HS3ST3B1: variants seen among roughly 807,000 people sequenced by gnomAD.
HS3ST3B1 encodes the protein heparan sulfate-glucosamine 3-sulfotransferase 3B1.
In HS3ST3B1, 13 loss-of-function variants were observed where a neutral mutation model predicts 21.3. The ratio of observed to expected loss-of-function variants is 0.61; its 90% CI spans 0.40 to 0.97. The LOEUF is 0.97. Ranked by LOEUF, HS3ST3B1 falls within the 50% of genes least tolerant of loss-of-function variation. The pLI, the probability that HS3ST3B1 is intolerant of heterozygous loss-of-function variation, is 0.00. For missense variants in HS3ST3B1, 459 were observed against 554.8 expected (o/e 0.83, Z 1.73); for synonymous variants, 234 against 254.8 (o/e 0.92, Z 0.78).
chr17:14,324,871 T>C (rs67612657), intron 1 of HS3ST3B1, among the ~76,000 whole-genome samples: 31,412 of 152,148 alleles, frequency 0.21, 4,603 homozygotes, highest in East Asian at 0.4. Context: ...ATCTTGGCCT[T>C]CCAAGGTGCC....
At chr17:14,327,940 C>T (rs1597596479) in intron 1 of HS3ST3B1, 1 of 152,164 alleles carries the variant, frequency 6.6e-6, no homozygotes, top group East Asian at 1.9e-4. Flanking sequence ...AAAATAGTCA[C>T]AGGGTCAGTT....
intron 1 of HS3ST3B1, among the ~76,000 whole-genome samples, chr17:14,306,385 G>T (rs775454618): frequency 2.0e-5 from 3 of 152,188 alleles, no homozygotes; most frequent in Non-Finnish European, 4.4e-5. Flanking sequence ...CCTTTTTAAG[G>T]CTGGGAGGAG....
At chr17:14,311,475 G>A (rs1909303662) in intron 1 of HS3ST3B1, among the ~76,000 whole-genome samples, 1 of 152,310 alleles carries the variant, frequency 6.6e-6, no homozygotes, top group South Asian at 2.1e-4. Context: ...TGCACAGTCT[G>A]CCACTATCAC....
At chr17:14,306,792 C>T (rs574964794) in intron 1 of HS3ST3B1, among the ~76,000 whole-genome samples, 2 of 151,036 alleles carry the variant, frequency 1.3e-5, no homozygotes, top group African/African-American at 2.4e-5. Flanking sequence ...GAGTTTAAAC[C>T]AAGTATGTAA....
Position 14,347,493 on chromosome 17 carries a change from A to G in HS3ST3B1, c.*1847A>G, listed in dbSNP as rs1307372346. 1 of 152,234 alleles carries G rather than the reference A, an allele frequency of 6.6e-6. No homozygotes were observed. Among genetic ancestry groups the G allele is most frequent in the African/African-American group, 2.4e-5 (1 of 41,470 alleles). 9.4% of individuals were successfully genotyped at this position (152,234 alleles called of 1,614,324 possible). On this transcript the variant is annotated 3_prime_UTR_variant, in exon 2 of 2. Coordinates refer to ENST00000360954, the MANE Select transcript of HS3ST3B1 (RefSeq NM_006041.3). ...CATCAAGGAATATGTGGGAAGATAT[A>G]CATATTGTCAAAATGGTTGGGATGG...
At chr17:14,312,371 T>C (rs1229007139) in intron 1 of HS3ST3B1, among the ~76,000 whole-genome samples, 1 of 152,220 alleles carries the variant, frequency 6.6e-6, no homozygotes, top group African/African-American at 2.4e-5. Flanking sequence ...TGAAATTCAA[T>C]GCCGTGTTCC....
rs1910532583 is a variant in HS3ST3B1 at position 14,345,440 on chromosome 17, G to C, written c.967G>C (p.Asp323His). The change falls in exon 2 of 2, where the codon GAC becomes CAC. Residue 323 changes from aspartate (D) to histidine (H), a missense_variant. Transcript: ENST00000360954. ...CCTGGGCCTCAAGAGGATCATCACG[G>C]ACAAGCACTTCTACTTCAACAAGAC... ...DFLGLKRIIT[D>H]KHFYFNKTKG... 7.2e-7 allele frequency: 1 copy of C among 1,380,492 alleles called. No homozygotes were observed. Among genetic ancestry groups the C allele is most frequent in the Non-Finnish European group, 1.0e-6 (1 of 986,278 alleles). The allele number at this position is 1,380,492 out of a possible 1,614,324, so 85.5% of individuals were successfully genotyped here.
At chr17:14,329,635 C>A (rs1909943554) in intron 1 of HS3ST3B1, among the ~76,000 whole-genome samples, 1 of 152,144 alleles carries the variant, frequency 6.6e-6, no homozygotes, top group Non-Finnish European at 1.5e-5. Context: ...GGCTGATCAT[C>A]TAATTCATTC....
chr17:14,344,992 C>T (rs1910504154), intron 1 of HS3ST3B1, 36 bp from the exon 2 acceptor site: 1 of 1,596,910 alleles, frequency 6.3e-7, no homozygotes, highest in Non-Finnish European at 8.5e-7. Context: ...AGAGGCGTCA[C>T]CTTCTGATCC....
chr17:14,304,422 C>A (rs1239659530), intron 1 of HS3ST3B1: 3 of 152,226 alleles, frequency 2.0e-5, no homozygotes, highest in Admixed American at 6.5e-5. Flanking sequence ...GGAAAAAAAT[C>A]TTTTAAATGC....
intron 1 of HS3ST3B1, among the ~76,000 whole-genome samples, chr17:14,333,462 C>T (rs1250177154): frequency 2.7e-5 from 4 of 148,196 alleles, no homozygotes; most frequent in African/African-American, 5.0e-5. Flanking sequence ...AGTGAGACTC[C>T]GACTCAAAAA....
At chr17:14,327,533 T>C (rs1909854785) in intron 1 of HS3ST3B1, 1 of 152,200 alleles carries the variant, frequency 6.6e-6, no homozygotes, top group African/African-American at 2.4e-5. Context: ...TGTCATTGCG[T>C]CACTTAATGT....
At chr17:14,341,814 A>G (rs1378197108) in intron 1 of HS3ST3B1, among the ~76,000 whole-genome samples, 2 of 152,222 alleles carry the variant, frequency 1.3e-5, no homozygotes, top group East Asian at 3.8e-4. Context: ...AGATGGCTTA[A>G]CACAGGGGAA....
intron 1 of HS3ST3B1, among the ~76,000 whole-genome samples, chr17:14,312,185 C>T (rs545162021): frequency 1.3e-5 from 2 of 152,202 alleles, no homozygotes; most frequent in East Asian, 3.9e-4. Context: ...ATCTTAACAG[C>T]GATGCTTCCT....
chr17:14,333,532 C>T (rs1910088928), intron 1 of HS3ST3B1, among the ~76,000 whole-genome samples: 1 of 151,738 alleles, frequency 6.6e-6, no homozygotes, highest in Non-Finnish European at 1.5e-5. Context: ...GAAAAGAGAC[C>T]TCAGAACTGG....
At position 14,347,579 on chromosome 17, in the gene HS3ST3B1, A is replaced by C. The variant is rs879136141; in HGVS notation, c.*1933A>C. On this transcript the variant is annotated 3_prime_UTR_variant, in exon 2 of 2. Coordinates refer to ENST00000360954, the MANE Select transcript of HS3ST3B1 (RefSeq NM_006041.3). ...GATCACTTGCCTGATAGTATAAGGA[A>C]CATTGTATGAAAAGATGAAAAGATA... 6.6e-6 allele frequency: 1 copy of C among 152,230 alleles called. No homozygotes were observed. Among genetic ancestry groups the C allele is most frequent in the Non-Finnish European group, 1.5e-5 (1 of 68,048 alleles). The allele number at this position is 152,230 out of a possible 1,614,324, so 9.4% of individuals were successfully genotyped here.
At chr17:14,331,562 A>G (rs1910012787) in intron 1 of HS3ST3B1, among the ~76,000 whole-genome samples, 1 of 152,030 alleles carries the variant, frequency 6.6e-6, no homozygotes, top group Non-Finnish European at 1.5e-5. Context: ...GAAGAGGAGG[A>G]GGGCTCGGGA....
At chr17:14,340,645 C>G (rs530041683) in intron 1 of HS3ST3B1, among the ~76,000 whole-genome samples, 1 of 152,056 alleles carries the variant, frequency 6.6e-6, no homozygotes, top group African/African-American at 2.4e-5. Context: ...TGCAGTGGCG[C>G]GATCTCAGCT....
At chr17:14,314,043 G>A (rs1025436551) in intron 1 of HS3ST3B1, among the ~76,000 whole-genome samples, 6 of 151,758 alleles carry the variant, frequency 4.0e-5, no homozygotes, top group East Asian at 3.9e-4. Context: ...GCAGTGGCAC[G>A]ATCTCGGCTC....
Sources: gnomAD v4.1 joint callset for allele counts (sites outside exome capture counted in the v4.1 genomes callset) on GRCh38, gnomAD v4.1.1 for gene constraint, MANE v1.5 for transcripts, NCBI Gene and HGNC (gene_info 2026-07-23, HGNC 2026-07-21) for gene names.